MORC2: variants seen among roughly 807,000 people sequenced by gnomAD.
MORC2 encodes MORC family CW-type zinc finger 2, also known as ATPase MORC2.
MORC2 carries 30 observed loss-of-function variants against 136.0 expected under a neutral mutation model. The ratio of observed to expected loss-of-function variants is 0.22; its 90% CI spans 0.17 to 0.30. MORC2 has a LOEUF of 0.30. MORC2 is among the 10% of genes least tolerant of loss of function. The pLI is 1.00. For synonymous variants in MORC2, 439 were observed against 487.0 expected (o/e 0.90, Z 1.30); for missense variants, 922 against 1,333.1 (o/e 0.69, Z 4.80).
intron 1 of MORC2, among the ~76,000 whole-genome samples, chr22:30,962,499 G>A (rs1409637891): frequency 6.6e-6 from 1 of 151,828 alleles, no homozygotes; most frequent in East Asian, 1.9e-4. Flanking sequence ...AAAGGCTGAG[G>A]TGGGAGGATG....
intron 1 of MORC2, among the ~76,000 whole-genome samples, chr22:30,962,976 A>G (rs911474020): frequency 1.3e-5 from 2 of 151,750 alleles, no homozygotes; most frequent in African/African-American, 4.8e-5. Flanking sequence ...ATCAAAAGAA[A>G]TTCTTTTTTT....
chr22:30,938,790 C>T (rs2040696865), intron 12 of MORC2, among the ~76,000 whole-genome samples: 3 of 152,022 alleles, frequency 2.0e-5, no homozygotes, highest in South Asian at 4.1e-4. Context: ...AGGATGGTCT[C>T]GATCTCCTGA....
intron 12 of MORC2, 139 bp from the exon 13 acceptor site, chr22:30,938,344 T>TA (rs1294309842): frequency 7.5e-6 from 7 of 939,558 alleles, no homozygotes; most frequent in African/African-American, 1.7e-5. Context: ...TGTAACCTGT[T>TA]AGACTTGATA....
At chr22:30,962,186 G>T (rs1007322581) in intron 1 of MORC2, among the ~76,000 whole-genome samples, 2 of 148,018 alleles carry the variant, frequency 1.4e-5, no homozygotes, top group African/African-American at 5.0e-5. Context: ...CTCCAGCCTG[G>T]ACAAGAGCAA....
In MORC2 at chr22:30,928,076, C is replaced by G; in HGVS notation, c.2973G>C (p.Glu991Asp). 1.2e-6 allele frequency: 2 copies of G among 1,614,128 alleles called. No individual in the cohort carries two copies. Among genetic ancestry groups the G allele is most frequent in the Non-Finnish European group, 1.7e-6 (2 of 1,180,034 alleles). ...TGGTCCTCAGCTTCTGCAGCTTCTC[C>G]TCCGTCTCGCGGAGCTTCCTCTCGG... Reference protein sequence around the residue: ...RTSERKLRETEEKLQKLRTNI... With the variant: ...RTSERKLRETDEKLQKLRTNI... Residue 991 changes from glutamate to aspartate, a missense_variant, in exon 25 of 26, where the codon GAG becomes GAC. Physicochemically the swap from Glu to Asp is conservative, Grantham distance 45. Around this residue, in one of 9 missense-constraint regions of MORC2, gnomAD observed 263 missense variants for 388.3 expected, o/e 0.68. Transcript: ENST00000397641.
intron 2 of MORC2, 138 bp downstream of exon 2, chr22:30,958,503 G>A (rs895497484): frequency 5.4e-5 from 28 of 519,954 alleles, no homozygotes; most frequent in African/African-American, 5.4e-4. Context: ...ATTATTTTTA[G>A]TAAGAGGCAT....
chr22:30,938,281 T>G, intron 12 of MORC2, 76 bp from the exon 13 acceptor site: 1 of 1,549,220 alleles, frequency 6.5e-7, no homozygotes, highest in Non-Finnish European at 8.8e-7. Context: ...GTGTTAAGCT[T>G]AAGCTTAAAC....
At position 30,937,146 on chromosome 22, in the gene MORC2, G is replaced by A. The variant is rs956726572; in HGVS notation, c.1499-109C>T. 8 of 759,300 alleles carry A rather than the reference G, an allele frequency of 1.1e-5. No homozygotes were observed. The highest frequency in any genetic ancestry group is 1.0e-4 in the African/African-American group (6 of 58,114). 47.0% of individuals were successfully genotyped at this position (759,300 alleles called of 1,614,324 possible). On this transcript the variant is annotated intron_variant, in intron 15 of 25. Transcript: ENST00000397641. The surrounding 1 kb of genome is among the most constrained non-coding windows in gnomAD (Gnocchi z 4.7). ...TGATGCCCCAGACTTTGTAGGCAAA[G>A]ATCTTCACTCGGGCTCCAACTCTGC...
rs1485425350 is a variant in MORC2 at position 30,928,135 on chromosome 22, G to A, written c.2914C>T (p.Arg972Trp). 1.2e-6 allele frequency: 2 copies of A among 1,614,028 alleles called. No individual in the cohort carries two copies. Among genetic ancestry groups the A allele is most frequent in the African/African-American group, 1.3e-5 (1 of 74,926 alleles). The part of the protein sequence containing the change: ...CNSYQSRADS[R>W]AKASEESLRT... ...AGGCTTTCCTCGGAGGCCTTGGCCC[G>A]GGAGTCAGCACGGCTCTGGTAGGAA... The change falls in exon 25 of 26, where the codon CGG becomes TGG. Residue 972 changes from arginine to tryptophan, a missense_variant. This residue lies in a region of MORC2 where 263 missense variants were observed against 388.3 expected (regional missense o/e 0.68). Transcript: ENST00000397641.
rs369472062 is a variant in MORC2 at position 30,941,981 on chromosome 22, T to C, written c.608A>G (p.Asn203Ser). 6.8e-6 allele frequency: 11 copies of C among 1,613,748 alleles called. No individual in the cohort carries two copies. Among genetic ancestry groups the C allele is most frequent in the Admixed American group, 1.7e-5 (1 of 60,022 alleles). ...CTCTCCATTATCCATGAGTTTGAGA[T>C]TGAAGATGATCACCAATGTTCCTGA... The part of the protein sequence containing the change: ...GDSGTLVIIF[N>S]LKLMDNGEPE... Residue 203 changes from asparagine (N) to serine (S), a missense_variant, in exon 8 of 26, where the codon AAT becomes AGT. Physicochemically the swap from Asn to Ser is conservative, Grantham distance 46. This residue lies in a region of MORC2 where 261 missense variants were observed against 354.3 expected (regional missense o/e 0.74). Transcript: ENST00000397641. This position sits in a 1 kb window ranked among gnomAD's most constrained non-coding sequence, Gnocchi z 4.6.
At position 30,934,315 on chromosome 22, in the gene MORC2, ATTAC is replaced by A. The variant is rs1357567452; in HGVS notation, c.2194-128_2194-125del. ...GTACTCCCTGCAATCCCTGCCTGAC[ATTAC>A]TTGGAATGTACACAGGCAACCCACT... On this transcript the variant is annotated intron_variant, in intron 19 of 25. Coordinates refer to ENST00000397641, the MANE Select transcript of MORC2 (RefSeq NM_001303256.3). The surrounding 1 kb of genome is among the most constrained non-coding windows in gnomAD (Gnocchi z 4.4). 2 of 1,374,516 alleles carry A rather than the reference ATTAC, an allele frequency of 1.5e-6. No individual in the cohort carries two copies. The highest frequency in any genetic ancestry group is 2.0e-6 in the Non-Finnish European group (2 of 1,016,964). The allele number at this position is 1,374,516 out of a possible 1,614,324, so 85.1% of individuals were successfully genotyped here.
rs2147247181 is a variant in MORC2, at chr22:30,934,517, T to C, written c.2193+264A>G. On this transcript the variant is annotated intron_variant, in intron 19 of 25. Transcript: ENST00000397641. The surrounding 1 kb of genome is among the most constrained non-coding windows in gnomAD (Gnocchi z 4.4). ...CAGATGACTGACCTAAGCCCACACT[T>C]CGAGAGCCAGTGGAGGTGACTCAAG... 6.6e-6 allele frequency among the ~76,000 whole-genome samples: 1 copy of C among 152,108 alleles called. No homozygotes were observed. Among genetic ancestry groups the C allele is most frequent in the African/African-American group, 2.4e-5 (1 of 41,476 alleles).
At position 30,950,390 on chromosome 22, in the gene MORC2, T is replaced by C. The variant is rs1439182747; in HGVS notation, c.213A>G (p.Ala71=). 1 of 1,348,852 alleles carries C rather than the reference T, an allele frequency of 7.4e-7. No individual in the cohort carries two copies. Among genetic ancestry groups the C allele is most frequent in the South Asian group, 1.1e-5 (1 of 87,470 alleles). 83.6% of individuals were successfully genotyped at this position (1,348,852 alleles called of 1,614,324 possible). Residue 71 remains alanine (A), a synonymous_variant, in exon 4 of 26, where the codon GCA becomes GCG. Transcript: ENST00000397641. Reference sequence around the variant, plus strand: ...CTCATCACTTACTTGGATCCATTCCTGCTCCATCATCCAAAAAGCAAAGCA... The same window carrying C: ...CTCATCACTTACTTGGATCCATTCCCGCTCCATCATCCAAAAAGCAAAGCA... ...GFMLCFLDDG[A]GMDPSDAASV...
At chr22:30,933,371 A>C in intron 21 of MORC2, 95 bp downstream of exon 21, 1 of 1,387,138 alleles carries the variant, frequency 7.2e-7, no homozygotes. Flanking sequence ...GGACAGATTC[A>C]ATGAGCCTTT....
intron 6 of MORC2, among the ~76,000 whole-genome samples, chr22:30,942,829 T>A (rs1012458450): frequency 3.3e-5 from 5 of 151,824 alleles, no homozygotes; most frequent in Admixed American, 3.3e-4. Flanking sequence ...ACATGGTGAA[T>A]CCCGGTCTCC....
intron 21 of MORC2, 29 bp downstream of exon 21, chr22:30,933,437 C>T (rs1274206315): frequency 9.3e-6 from 15 of 1,611,738 alleles, no homozygotes; most frequent in Non-Finnish European, 1.2e-5. Context: ...ACCCCCGCCA[C>T]AGGCTGCCAA....
In MORC2 at chr22:30,968,618, G is replaced by A. The variant is rs897546395; in HGVS notation, c.-729C>T. On this transcript the variant is annotated 5_prime_UTR_variant, in exon 1 of 26. In the 5' UTR this introduces an upstream ATG that the reference lacks. Transcript: ENST00000397641. ...CGGGCAGGCCGCGCCCCGCCCCCAC[G>A]TCCCTCAGACAACAGCCTCAGCCTC... 1.3e-5 allele frequency among the ~76,000 whole-genome samples: 2 copies of A among 151,844 alleles called. No individual in the cohort carries two copies. Among genetic ancestry groups the A allele is most frequent in the African/African-American group, 4.8e-5 (2 of 41,320 alleles).
chr22:30,940,051 A>C lies in MORC2; in HGVS notation c.905-10T>G, dbSNP rs372985596. 45 of 1,612,654 alleles carry C rather than the reference A, an allele frequency of 2.8e-5. 1 individual carries two copies. The African/African-American group carries it at 5.9e-4, about 21-fold the overall frequency. The stretch of plus-strand genomic sequence containing the variant: ...CGCGCCTTCTCTTCAGCTGAAACCC[A>C]GAAGAGAACATGGTAAGAAATGCAA... On this transcript the variant is annotated splice_polypyrimidine_tract_variant and intron_variant, in intron 10 of 25. Coordinates refer to ENST00000397641, the MANE Select transcript of MORC2 (RefSeq NM_001303256.3).
chr22:30,948,203 T>C (rs1050088298), intron 5 of MORC2, among the ~76,000 whole-genome samples: 2 of 152,190 alleles, frequency 1.3e-5, no homozygotes, highest in African/African-American at 4.8e-5. Flanking sequence ...ATGGCTTGCC[T>C]GAGGCCATTA....
Sources: allele counts gnomAD v4.1 joint callset (sites outside exome capture counted in the v4.1 genomes callset), GRCh38; gene constraint gnomAD v4.1.1; regional missense constraint gnomAD v4.1.1; non-coding constraint Gnocchi (gnomAD v3.1); transcripts MANE v1.5; gene names NCBI Gene and HGNC (gene_info 2026-07-23, HGNC 2026-07-21).